SLCO1A2: variants seen among roughly 807,000 people sequenced by gnomAD.
The protein encoded by SLCO1A2 is OATP-1.
In SLCO1A2, 67 loss-of-function variants were observed where a neutral mutation model predicts 69.0. The ratio of observed to expected loss-of-function variants is 0.97; its 90% CI spans 0.80 to 1.19. SLCO1A2 has a LOEUF of 1.19. SLCO1A2 is among the 50% of genes most tolerant of loss of function. SLCO1A2 has a pLI of 0.00. For synonymous variants in SLCO1A2, 260 were observed against 265.9 expected, an observed-to-expected ratio of 0.98 and a Z score of 0.22; for missense variants, 787 against 793.7, an observed-to-expected ratio of 0.99 and a Z score of 0.10.
intron 1 of SLCO1A2, among the ~76,000 whole-genome samples, chr12:21,412,904 G>A (rs539173403): frequency 6.6e-6 from 1 of 152,218 alleles, no homozygotes; most frequent in Admixed American, 6.5e-5. Context: ...ATCAGGAAAG[G>A]GACTTGTGCT....
chr12:21,282,405 A>C (rs76548572), intron 12 of SLCO1A2, among the ~76,000 whole-genome samples: 1 of 151,216 alleles, frequency 6.6e-6, no homozygotes, highest in African/African-American at 2.4e-5. Context: ...AAAAAAAAAA[A>C]CTCTCAAAAA....
chr12:21,294,001 A>G lies in SLCO1A2; in HGVS notation c.1381T>C (p.Tyr461His), dbSNP rs201021208. Reference sequence around the variant, plus strand: ...CAACCAGCAAGACAAGCTGACAGATATGACAAGCCATTGTTTCCACACACA... The same window carrying G: ...CAACCAGCAAGACAAGCTGACAGATGTGACAAGCCATTGTTTCCACACACA... Reference protein sequence around the residue: ...DPVCGNNGLSYLSACLAGCET... With the variant: ...DPVCGNNGLSHLSACLAGCET... The change falls in exon 11 of 15, where the codon TAT becomes CAT. Residue 461 changes from tyrosine to histidine, a missense_variant. Transcript: ENST00000683939. 37 of 1,613,142 alleles carry G rather than the reference A, an allele frequency of 2.3e-5. No homozygotes were observed. The highest frequency in any genetic ancestry group is 3.1e-5 in the Non-Finnish European group (36 of 1,179,588).
chr12:21,395,506 TGGG>T (rs1941410203), upstream of SLCO1A2: 1 of 153,714 alleles, frequency 6.5e-6, no homozygotes, highest in Admixed American at 6.5e-5. Flanking sequence ...AAGCTCGAAC[TGGG>T]TGGAGCCCAC....
At chr12:21,370,412 T>C (rs375663392) in intron 2 of SLCO1A2, among the ~76,000 whole-genome samples, 2 of 151,920 alleles carry the variant, frequency 1.3e-5, no homozygotes, top group South Asian at 4.2e-4. Context: ...ATGTGCCATG[T>C]TGGTGTGCTG....
At chr12:21,313,197 C>A (rs1265362666) in intron 4 of SLCO1A2, among the ~76,000 whole-genome samples, 1 of 152,096 alleles carries the variant, frequency 6.6e-6, no homozygotes, top group Non-Finnish European at 1.5e-5. Flanking sequence ...ATAACAGATA[C>A]AAAAATAATG....
At chr12:21,373,111 A>G in intron 2 of SLCO1A2, 1 of 546,292 alleles carries the variant, frequency 1.8e-6, no homozygotes, top group Middle Eastern at 5.1e-4. Flanking sequence ...AGAATGTATT[A>G]CAATATAAAT....
At chr12:21,272,923 A>G (rs1426149438) in intron 14 of SLCO1A2, among the ~76,000 whole-genome samples, 3 of 152,124 alleles carry the variant, frequency 2.0e-5, no homozygotes, top group Non-Finnish European at 2.9e-5. Flanking sequence ...CAAGAACTGT[A>G]AAAGAGTCTA....
At chr12:21,391,971 TG>T (rs1565528540) in intron 1 of SLCO1A2, among the ~76,000 whole-genome samples, 1 of 152,210 alleles carries the variant, frequency 6.6e-6, no homozygotes, top group East Asian at 1.9e-4. Context: ...TGAACAAAGC[TG>T]CTCTATCTCC....
intron 2 of SLCO1A2, chr12:21,324,593 C>T (rs1447406268): frequency 1.3e-5 from 2 of 152,198 alleles, no homozygotes; most frequent in African/African-American, 2.4e-5. Context: ...AGAATACTCA[C>T]GGTTTCCAAA....
Position 21,300,591 on chromosome 12 carries a change from G to A in SLCO1A2, c.689-22C>T, listed in dbSNP as rs769135391. ...TCATCTGTAAAAAAATACACACACT[G>A]TTATTAGCTTAAGTCAGTATTTTCT... On this transcript the variant is annotated intron_variant, in intron 7 of 14. Transcript: ENST00000683939. 17 of 1,534,420 alleles carry A rather than the reference G, an allele frequency of 1.1e-5. No homozygotes were observed. In the African/African-American group the frequency reaches 2.1e-4, roughly 19 times the overall value.
Position 21,269,373 on chromosome 12 carries a change from G to C in SLCO1A2, c.*175C>G, listed in dbSNP as rs1942389346. 1 of 483,286 alleles carries C rather than the reference G, an allele frequency of 2.1e-6. No individual in the cohort carries two copies. The highest frequency in any genetic ancestry group is 3.6e-6 in the Non-Finnish European group (1 of 276,326). 29.9% of individuals were successfully genotyped at this position (483,286 alleles called of 1,614,324 possible). A position where few individuals can be genotyped will look rare whatever the true frequency, so the allele number is the denominator to read the frequency against. ...TGATGTCCCTCCTAGGAAAACTCAA[G>C]TGTCACTGATACCTTAGAAATATCA... On this transcript the variant is annotated 3_prime_UTR_variant, in exon 15 of 15. Coordinates refer to ENST00000683939, the MANE Select transcript of SLCO1A2 (RefSeq NM_001386879.1).
chr12:21,317,914 A>G (rs973096780), intron 3 of SLCO1A2, among the ~76,000 whole-genome samples: 9 of 152,154 alleles, frequency 5.9e-5, no homozygotes, highest in African/African-American at 2.2e-4. Flanking sequence ...CACAAAAATC[A>G]GAATCTATGA....
chr12:21,355,565 A>G (rs563553272), intron 2 of SLCO1A2, among the ~76,000 whole-genome samples: 146 of 152,222 alleles, frequency 9.6e-4, no homozygotes, highest in African/African-American at 3.4e-3. Context: ...TGAGTTTCCT[A>G]TATTACCCTT....
chr12:21,340,162 C>T (rs985243302), intron 2 of SLCO1A2, among the ~76,000 whole-genome samples: 6 of 152,062 alleles, frequency 3.9e-5, no homozygotes, highest in Middle Eastern at 3.4e-3. Flanking sequence ...TATGTCATAC[C>T]AAATAAAACA....
intron 14 of SLCO1A2, 196 bp downstream of exon 14, chr12:21,274,271 ACC>A: frequency 2.0e-6 from 1 of 489,878 alleles, no homozygotes; most frequent in South Asian, 3.2e-5. Flanking sequence ...GCTTATATTT[ACC>A]AAGCACTTGA....
chr12:21,285,271 A>G (rs1283262543), intron 12 of SLCO1A2, among the ~76,000 whole-genome samples: 2 of 152,374 alleles, frequency 1.3e-5, no homozygotes, highest in East Asian at 3.9e-4. Flanking sequence ...AAATGGATAC[A>G]TTCCTTGACA....
chr12:21,314,483 A>G lies in SLCO1A2; in HGVS notation c.335+66T>C, dbSNP rs2306227. On this transcript the variant is annotated intron_variant, in intron 4 of 14. Transcript: ENST00000683939. Reference sequence around the variant, plus strand: ...TTGGAAAGCATTGCTCCTAGAGAGGAAAGTGCAACTTCATTTCCTGCAAGT... The same window carrying G: ...TTGGAAAGCATTGCTCCTAGAGAGGGAAGTGCAACTTCATTTCCTGCAAGT... The G allele has an allele frequency of 0.021, 32,747 of 1,566,014 alleles. 3,288 individuals are homozygous for G. In the East Asian group the frequency reaches 0.32, roughly 15 times the overall value.
chr12:21,394,185 ACTGT>A (rs1303234224), intron 1 of SLCO1A2, among the ~76,000 whole-genome samples: 5 of 152,158 alleles, frequency 3.3e-5, no homozygotes, highest in African/African-American at 2.4e-5. Context: ...TTCAAAAGAC[ACTGT>A]CTATGTATGT....
intron 4 of SLCO1A2, among the ~76,000 whole-genome samples, chr12:21,312,410 A>G (rs1950340969): frequency 6.6e-6 from 1 of 152,184 alleles, no homozygotes; most frequent in South Asian, 2.1e-4. Flanking sequence ...AGACTACTCA[A>G]ACTTTCTCCA....
Sources: allele counts gnomAD v4.1 joint callset (sites outside exome capture counted in the v4.1 genomes callset), GRCh38; gene constraint gnomAD v4.1.1; transcripts MANE v1.5; gene names NCBI Gene and HGNC (gene_info 2026-07-23, HGNC 2026-07-21).